Variants in RIMKLB observed in about 807,000 individuals in gnomAD.
RIMKLB encodes the protein beta-citrylglutamate synthase B.
Under a neutral mutation model 32.0 loss-of-function variants are expected in RIMKLB, and 7 were observed. That is an observed-to-expected ratio of 0.22 (90% CI 0.12 to 0.41). The LOEUF is 0.41. Among genes scored for constraint, RIMKLB ranks in the 10% least tolerant of loss-of-function variants. The probability of loss-of-function intolerance (pLI) is 1.00; values close to 1 mark genes in which losing one functional copy is unlikely to be tolerated. For missense variants in RIMKLB, 289 were observed against 498.7 expected, an observed-to-expected ratio of 0.58 and a Z score of 4.00; for synonymous variants, 172 against 185.1, an observed-to-expected ratio of 0.93 and a Z score of 0.57.
At chr12:8,673,374 A>G in the RIMKLB span, among the ~76,000 whole-genome samples, 1 of 152,150 alleles carries the variant, frequency 6.6e-6, no homozygotes, top group African/African-American at 2.4e-5. Context: ...CTATTTAACA[A>G]ACTACACCAA....
At chr12:8,728,537 G>C (rs1946242569) in intron 2 of RIMKLB, among the ~76,000 whole-genome samples, 1 of 152,090 alleles carries the variant, frequency 6.6e-6, no homozygotes, top group Non-Finnish European at 1.5e-5. Flanking sequence ...CCCTAGGTAG[G>C]TTAGATTTTA....
At chr12:8,686,550 G>A (rs1942579985) in intron 1 of RIMKLB, among the ~76,000 whole-genome samples, 1 of 151,780 alleles carries the variant, frequency 6.6e-6, no homozygotes, top group Admixed American at 6.6e-5. Flanking sequence ...CGCGATCTCG[G>A]CTCACTGCAA....
At chr12:8,710,497 A>G (rs1375927073) in intron 1 of RIMKLB, among the ~76,000 whole-genome samples, 1 of 151,290 alleles carries the variant, frequency 6.6e-6, no homozygotes, top group East Asian at 1.9e-4. Context: ...TAGTAAAGAC[A>G]GGGTTTTGCC....
At chr12:8,739,262 G>A (rs1025938012) in intron 2 of RIMKLB, among the ~76,000 whole-genome samples, 1 of 152,150 alleles carries the variant, frequency 6.6e-6, no homozygotes, top group East Asian at 1.9e-4. Flanking sequence ...GCAGATGGCC[G>A]TCTTGCTGTG....
intron 2 of RIMKLB, among the ~76,000 whole-genome samples, chr12:8,747,759 ATT>A (rs756632593): frequency 1.4e-5 from 2 of 144,890 alleles, no homozygotes; most frequent in Non-Finnish European, 1.5e-5. Context: ...CTCTGGTACA[ATT>A]TTTTTTTTTT....
At chr12:8,768,372 C>T (rs776668220) in intron 5 of RIMKLB, among the ~76,000 whole-genome samples, 9 of 152,126 alleles carry the variant, frequency 5.9e-5, no homozygotes, top group Admixed American at 2.0e-4. Context: ...CAGCTCGAGC[C>T]GTAACAAACA....
chr12:8,681,118 G>A (rs910644160), upstream of RIMKLB, among the ~76,000 whole-genome samples: 4 of 151,576 alleles, frequency 2.6e-5, no homozygotes, highest in African/African-American at 7.3e-5. Context: ...ATACCACCAC[G>A]CCCAGCTAAT....
At chr12:8,771,127 A>G (rs1365557340) in intron 5 of RIMKLB, among the ~76,000 whole-genome samples, 4 of 152,166 alleles carry the variant, frequency 2.6e-5, no homozygotes, top group South Asian at 2.1e-4. Flanking sequence ...TTGATATCCA[A>G]TTGGATAGAC....
intron 1 of RIMKLB, among the ~76,000 whole-genome samples, chr12:8,701,190 G>T (rs1322775635): frequency 6.6e-6 from 1 of 152,212 alleles, no homozygotes; most frequent in East Asian, 1.9e-4. Flanking sequence ...TCAAGAGGTT[G>T]AGTAGGGAGA....
At chr12:8,706,018 A>G (rs781050316) in intron 1 of RIMKLB, among the ~76,000 whole-genome samples, 41 of 152,246 alleles carry the variant, frequency 2.7e-4, no homozygotes, top group Non-Finnish European at 8.8e-5. Context: ...TCAGCAATGT[A>G]TAGACTATTG....
At chr12:8,765,920 A>T (rs765760093) in intron 5 of RIMKLB, among the ~76,000 whole-genome samples, 2 of 152,144 alleles carry the variant, frequency 1.3e-5, no homozygotes, top group Admixed American at 6.5e-5. Context: ...AAAGAGGTCT[A>T]GCTGTAAGAT....
chr12:8,677,685 T>A (rs898512063), upstream of RIMKLB, among the ~76,000 whole-genome samples: 2 of 152,010 alleles, frequency 1.3e-5, no homozygotes, highest in Non-Finnish European at 2.9e-5. Flanking sequence ...CATACATAGC[T>A]ATTCATAATA....
intron 2 of RIMKLB, among the ~76,000 whole-genome samples, chr12:8,728,564 T>C (rs767722523): frequency 6.6e-6 from 1 of 152,308 alleles, no homozygotes; most frequent in East Asian, 1.9e-4. Context: ...TCCCAGCAAG[T>C]TGGTAGCTTA....
chr12:8,758,347 T>G (rs1276116796), intron 5 of RIMKLB, among the ~76,000 whole-genome samples: 1 of 152,028 alleles, frequency 6.6e-6, no homozygotes, highest in African/African-American at 2.4e-5. Context: ...TCTTGAACTC[T>G]TAGCCTCAAG....
In RIMKLB at chr12:8,713,793, A is replaced by AT; in HGVS notation, c.-56-12dup. 7.0e-7 allele frequency: 1 copy of AT among 1,435,084 alleles called. No individual in the cohort carries two copies. The highest frequency in any genetic ancestry group is 9.8e-7 in the Non-Finnish European group (1 of 1,019,128). The allele number at this position is 1,435,084 out of a possible 1,614,324, so 88.9% of individuals were successfully genotyped here. A position where few individuals can be genotyped will look rare whatever the true frequency, so the allele number is the denominator to read the frequency against. On this transcript the variant is annotated splice_polypyrimidine_tract_variant and intron_variant, in intron 1 of 5. Transcript: ENST00000535829. ...ATTTCTTGATTTACCTTTTATGTATATTTTTTCTTCCATCTAGGTAGACGT... is the reference window on the plus strand; with the variant it reads ...ATTTCTTGATTTACCTTTTATGTATATTTTTTTCTTCCATCTAGGTAGACGT...
intron 2 of RIMKLB, among the ~76,000 whole-genome samples, chr12:8,726,095 G>A (rs748427963): frequency 5.9e-5 from 9 of 152,300 alleles, no homozygotes; most frequent in South Asian, 2.1e-4. Flanking sequence ...TGATCTGCCC[G>A]CCTCAGCATC....
intron 2 of RIMKLB, among the ~76,000 whole-genome samples, chr12:8,737,566 A>T (rs1422861109): frequency 1.3e-5 from 2 of 152,194 alleles, no homozygotes; most frequent in African/African-American, 4.8e-5. Flanking sequence ...CTATTTTTAT[A>T]TCAGACTTTG....
intron 5 of RIMKLB, among the ~76,000 whole-genome samples, chr12:8,768,431 GCTC>G (rs1203592811): frequency 6.6e-6 from 1 of 152,174 alleles, no homozygotes; most frequent in Non-Finnish European, 1.5e-5. Context: ...TGAAAACAGA[GCTC>G]CTGTACAAAG....
At chr12:8,770,514 C>T (rs989322009) in intron 5 of RIMKLB, among the ~76,000 whole-genome samples, 1 of 152,152 alleles carries the variant, frequency 6.6e-6, no homozygotes, top group Admixed American at 6.5e-5. Flanking sequence ...GTTTACTCCT[C>T]ATATTCATCT....
Sources: allele counts gnomAD v4.1 joint callset (sites outside exome capture counted in the v4.1 genomes callset), GRCh38; gene constraint gnomAD v4.1.1; transcripts MANE v1.5; gene names NCBI Gene and HGNC (gene_info 2026-07-23, HGNC 2026-07-21).